SYTL2: variants seen among roughly 807,000 people sequenced by gnomAD.
SYTL2 encodes synaptotagmin-like protein 2.
In SYTL2, 165 loss-of-function variants were observed where a neutral mutation model predicts 198.7. That is an observed-to-expected ratio of 0.83 (90% CI 0.73 to 0.94). The LOEUF (loss-of-function observed/expected upper bound fraction) is 0.94, where lower values mean the gene tolerates loss of function less well. SYTL2 is among the 40% of genes least tolerant of loss of function. SYTL2 has a pLI of 0.00. For synonymous variants in SYTL2, 966 were observed against 917.7 expected (o/e 1.05, Z -0.95); for missense variants, 2,835 against 2,582.8 (o/e 1.10, Z -2.12).
rs1398988806 is a variant in SYTL2 at position 85,714,525 on chromosome 11, C to T, written c.5531-18G>A. On this transcript the variant is annotated intron_variant, in intron 11 of 19. Coordinates refer to ENST00000359152, the MANE Select transcript of SYTL2 (RefSeq NM_206927.4). ...TGTGGAAACTAAACAGCAGCATTTC[C>T]ATTTCAAAATTATTCTTACAATTGT... The T allele has an allele frequency of 5.6e-6, 9 of 1,602,710 alleles. No homozygotes were observed. Among genetic ancestry groups the T allele is most frequent in the African/African-American group, 2.7e-5 (2 of 74,666 alleles).
chr11:85,733,026 A>G (rs1591797200), intron 7 of SYTL2, among the ~76,000 whole-genome samples: 1 of 152,302 alleles, frequency 6.6e-6, no homozygotes, highest in Middle Eastern at 3.4e-3. Context: ...GAAAAGCAGT[A>G]CCCTCATTGC....
At chr11:85,754,505 T>C (rs1406009278) in intron 2 of SYTL2, among the ~76,000 whole-genome samples, 1 of 152,192 alleles carries the variant, frequency 6.6e-6, no homozygotes, top group East Asian at 1.9e-4. Context: ...AAAAATTATT[T>C]TTAATTTAAT....
chr11:85,813,711 C>CT (rs2093058040), upstream of SYTL2, among the ~76,000 whole-genome samples: 2 of 149,696 alleles, frequency 1.3e-5, no homozygotes, highest in East Asian at 3.9e-4. Flanking sequence ...TCCCTCCCTC[C>CT]CTCCTTTCCT....
At chr11:85,751,412 A>G (rs2091503132) in intron 2 of SYTL2, among the ~76,000 whole-genome samples, 1 of 152,162 alleles carries the variant, frequency 6.6e-6, no homozygotes, top group Non-Finnish European at 1.5e-5. Context: ...TAATTACATC[A>G]ACAAAATGAG....
intron 4 of SYTL2, among the ~76,000 whole-genome samples, chr11:85,744,490 T>C (rs2091014057): frequency 6.6e-6 from 1 of 152,210 alleles, no homozygotes; most frequent in Admixed American, 6.5e-5. Flanking sequence ...GGAAACAGAA[T>C]GATCCCCTTT....
Position 85,734,617 on chromosome 11 carries a change from CTTTGGGGATTGGAGCCTTGA to C in SYTL2, c.692_711del (p.Ile231SerfsTer10). 2 of 1,614,136 alleles carry C rather than the reference CTTTGGGGATTGGAGCCTTGA, an allele frequency of 1.2e-6. No individual in the cohort carries two copies. Among genetic ancestry groups the C allele is most frequent in the Non-Finnish European group, 1.7e-6 (2 of 1,180,028 alleles). ...GTTGATTTGTAGATCATCTTCCTGG[CTTTGGGGATTGGAGCCTTGA>C]TTTGGGACCCATTTGAAAGGCCTGG... On this transcript the variant is annotated frameshift_variant, in exon 7 of 20. Coordinates refer to ENST00000359152, the MANE Select transcript of SYTL2 (RefSeq NM_206927.4). LOFTEE classifies it high-confidence loss of function.
chr11:85,773,432 T>A (rs1392563306), intron 1 of SYTL2, among the ~76,000 whole-genome samples: 1 of 152,226 alleles, frequency 6.6e-6, no homozygotes, highest in Non-Finnish European at 1.5e-5. Flanking sequence ...CTCCTAGTCA[T>A]CTTTCAAGAC....
chr11:85,724,055 G>T lies in SYTL2; in HGVS notation c.5303C>A (p.Ala1768Glu). ...ACTGGAAGGATTTCTCCAGCTCTCT[G>T]CATTAGAACTGGTGTTTCCATCTGA... ...DFSDGNTSSNAESWRNPSSSE... is the reference protein window; with the variant it reads ...DFSDGNTSSNEESWRNPSSSE... Residue 1768 changes from alanine to glutamate, a missense_variant, in exon 8 of 20, where the codon GCA becomes GAA. Transcript: ENST00000359152. 2 of 1,529,486 alleles carry T rather than the reference G, an allele frequency of 1.3e-6. No homozygotes were observed. The allele number at this position is 1,529,486 out of a possible 1,614,324, so 94.7% of individuals were successfully genotyped here. A position where few individuals can be genotyped will look rare whatever the true frequency, so the allele number is the denominator to read the frequency against.
At chr11:85,838,242 A>G in the SYTL2 span, among the ~76,000 whole-genome samples, 1 of 152,224 alleles carries the variant, frequency 6.6e-6, no homozygotes, top group African/African-American at 2.4e-5. Flanking sequence ...GCATTGGGAC[A>G]AGAATTTGTG....
intron 1 of SYTL2, among the ~76,000 whole-genome samples, chr11:85,796,353 C>T (rs2092804264): frequency 6.6e-6 from 1 of 152,196 alleles, no homozygotes; most frequent in Non-Finnish European, 1.5e-5. Flanking sequence ...ACGATATATG[C>T]TCTGACCAAC....
the SYTL2 span, among the ~76,000 whole-genome samples, chr11:85,841,758 A>G: frequency 1.8e-4 from 27 of 152,218 alleles, 1 homozygote; most frequent in African/African-American, 2.4e-5. Context: ...AATCTGTACA[A>G]CAAATCCCCA....
chr11:85,776,896 A>T (rs1232229489), intron 1 of SYTL2, among the ~76,000 whole-genome samples: 1 of 152,184 alleles, frequency 6.6e-6, no homozygotes, highest in Non-Finnish European at 1.5e-5. Flanking sequence ...GAGTAAGACA[A>T]TGGGGTGTAT....
At chr11:85,816,493 G>A in the SYTL2 span, among the ~76,000 whole-genome samples, 1 of 152,194 alleles carries the variant, frequency 6.6e-6, no homozygotes, top group Non-Finnish European at 1.5e-5. Context: ...GAAGGTAATA[G>A]GGAGTTACTG....
In SYTL2 at chr11:85,726,263, T is replaced by C. The variant is rs937053954; in HGVS notation, c.3095A>G (p.Asn1032Ser). 6.2e-7 allele frequency: 1 copy of C among 1,613,856 alleles called. No homozygotes were observed. Among genetic ancestry groups the C allele is most frequent in the Admixed American group, 1.7e-5 (1 of 59,966 alleles). ...EFSDIKLSGK[N>S]THEAEVLLSP... ...TAGAAGCACCTCTGCTTCATGGGTA[T>C]TTTTACCTGATAATTTAATGTCGCT... Residue 1032 changes from asparagine (N) to serine (S), a missense_variant, in exon 8 of 20, where the codon AAT becomes AGT. Around this residue, in one of 3 missense-constraint regions of SYTL2, gnomAD observed 2,645 missense variants for 2,381.7 expected, o/e 1.11. Coordinates refer to ENST00000359152, the MANE Select transcript of SYTL2 (RefSeq NM_206927.4).
At chr11:85,800,579 C>T (rs1209232033) in intron 1 of SYTL2, among the ~76,000 whole-genome samples, 2 of 152,062 alleles carry the variant, frequency 1.3e-5, no homozygotes, top group African/African-American at 2.4e-5. Flanking sequence ...ATGCCTGGCC[C>T]CCAGGAATTT....
At chr11:85,844,651 A>G in the SYTL2 span, among the ~76,000 whole-genome samples, 1 of 152,344 alleles carries the variant, frequency 6.6e-6, no homozygotes, top group Admixed American at 6.5e-5. Context: ...TCTTTTTGCC[A>G]GTCACTGCAA....
the SYTL2 span, among the ~76,000 whole-genome samples, chr11:85,818,656 A>ACTATCTATCTATCTATCTATCTAT: frequency 3.4e-5 from 5 of 149,002 alleles, no homozygotes; most frequent in African/African-American, 1.0e-4. Context: ...TGTATAAATT[A>ACTATCTATCTATCTATCTATCTAT]CTATCTATCT....
intron 1 of SYTL2, among the ~76,000 whole-genome samples, chr11:85,759,432 T>C (rs1225048494): frequency 6.6e-6 from 1 of 152,176 alleles, no homozygotes; most frequent in Non-Finnish European, 1.5e-5. Flanking sequence ...TGTGAAGCTG[T>C]TTTCTCATTT....
rs1450382487 is a variant in SYTL2 at position 85,694,422 on chromosome 11, T to TA, written c.*772dup. 2 of 152,266 alleles carry TA rather than the reference T, an allele frequency of 1.3e-5. No homozygotes were observed. The highest frequency in any genetic ancestry group is 4.8e-5 in the African/African-American group (2 of 41,472). 9.4% of individuals were successfully genotyped at this position (152,266 alleles called of 1,614,324 possible). A position where few individuals can be genotyped will look rare whatever the true frequency, so the allele number is the denominator to read the frequency against. ...TGCAAAACATGTTTGTGACTACTCT[T>TA]ATGCTGCTTTCATATAGTAAAGTTA... is the stretch of plus-strand genomic sequence containing the variant. On this transcript the variant is annotated 3_prime_UTR_variant, in exon 20 of 20. Transcript: ENST00000359152.
Sources: gnomAD v4.1 joint callset for allele counts (sites outside exome capture counted in the v4.1 genomes callset) on GRCh38, gnomAD v4.1.1 for gene constraint, gnomAD v4.1.1 regional missense constraint, MANE v1.5 for transcripts, NCBI Gene and HGNC (gene_info 2026-07-23, HGNC 2026-07-21) for gene names.